Variants in SH2D1B observed in about 807,000 individuals in gnomAD.
The protein encoded by SH2D1B is SH2 domain-containing protein 1B.
A neutral mutation model predicts 16.3 loss-of-function variants in SH2D1B; 11 were observed. The observed-to-expected ratio is 0.67, with a 90% CI of 0.42 to 1.11. The LOEUF (loss-of-function observed/expected upper bound fraction) is 1.11, where lower values mean the gene tolerates loss of function less well. Ranked by LOEUF, SH2D1B falls within the 50% of genes most tolerant of loss-of-function variation. SH2D1B has a pLI of 0.00. For synonymous variants in SH2D1B, 55 were observed against 56.1 expected, an observed-to-expected ratio of 0.98 and a Z score of 0.09; for missense variants, 123 against 153.1, an observed-to-expected ratio of 0.80 and a Z score of 1.04.
intron 1 of SH2D1B, among the ~76,000 whole-genome samples, chr1:162,410,938 G>A (rs1046095077): frequency 1.3e-4 from 19 of 151,268 alleles, no homozygotes; most frequent in Admixed American, 1.3e-3. Context: ...TTACAGGAGT[G>A]AGCCACTGTG....
rs541209318 is a variant in SH2D1B at position 162,411,990 on chromosome 1, A to G, written c.27T>C (p.Arg9=). ...AGGTCTCACAGTCTTGCTTGGTCAG[A>G]CGTCCATGGTAGTAAGGCAGATCCA... MDLPYYHG[R]LTKQDCETLL... Residue 9 remains arginine (R), a synonymous_variant, in exon 1 of 4, where the codon CGT becomes CGC. Transcript: ENST00000367929. 1 of 1,614,124 alleles carries G rather than the reference A, an allele frequency of 6.2e-7. No homozygotes were observed. The highest frequency in any genetic ancestry group is 1.7e-5 in the Admixed American group (1 of 60,018).
rs1026771254 is a variant in SH2D1B at position 162,395,811 on chromosome 1, C to T, written c.*1469G>A. The T allele has an allele frequency of 6.6e-6, 1 of 152,162 alleles. No homozygotes were observed. The highest frequency in any genetic ancestry group is 3.2e-3 in the Middle Eastern group (1 of 316). The allele number at this position is 152,162 out of a possible 1,614,324, so 9.4% of individuals were successfully genotyped here. Reference sequence around the variant, plus strand: ...AGACTTCAGTTGGGAAAATTTATGACTCCATGAAAGGGCAAAAAAGATGAC... The same window carrying T: ...AGACTTCAGTTGGGAAAATTTATGATTCCATGAAAGGGCAAAAAAGATGAC... On this transcript the variant is annotated 3_prime_UTR_variant, in exon 4 of 4. Coordinates refer to ENST00000367929, the MANE Select transcript of SH2D1B (RefSeq NM_053282.5).
chr1:162,398,692 C>T (rs575238884), intron 3 of SH2D1B, among the ~76,000 whole-genome samples: 125 of 152,242 alleles, frequency 8.2e-4, no homozygotes, highest in Admixed American at 1.6e-3. Flanking sequence ...AGCTGTCTGC[C>T]CAGGAACCAC....
intron 1 of SH2D1B, among the ~76,000 whole-genome samples, chr1:162,403,213 G>A (rs969088826): frequency 1.6e-4 from 25 of 152,014 alleles, no homozygotes; most frequent in African/African-American, 5.6e-4. Flanking sequence ...ATTACTGGCC[G>A]GGTGCCGTGG....
chr1:162,410,077 C>A (rs568932668), intron 1 of SH2D1B, among the ~76,000 whole-genome samples: 11 of 152,210 alleles, frequency 7.2e-5, no homozygotes, highest in Non-Finnish European at 1.2e-4. Flanking sequence ...AGCAAAGAAC[C>A]CTACTAAGTC....
chr1:162,402,994 C>T lies in SH2D1B; in HGVS notation c.135-192G>A, dbSNP rs547802165. On this transcript the variant is annotated intron_variant, in intron 1 of 3. Transcript: ENST00000367929. Reference sequence around the variant, plus strand: ...TGCGATCTCAGCTCACTGCAACCTCCGCCTCCCGGGTTCAAGCGATTCTCC... The same window carrying T: ...TGCGATCTCAGCTCACTGCAACCTCTGCCTCCCGGGTTCAAGCGATTCTCC... 4.0e-5 allele frequency among the ~76,000 whole-genome samples: 6 copies of T among 151,856 alleles called. No individual in the cohort carries two copies. In the South Asian group the frequency reaches 1.2e-3, roughly 32 times the overall value.
chr1:162,404,751 C>A (rs1230302910), intron 1 of SH2D1B, among the ~76,000 whole-genome samples: 1 of 152,134 alleles, frequency 6.6e-6, no homozygotes. Flanking sequence ...AATGAGATAC[C>A]ACTACACACT....
chr1:162,401,441 C>T (rs1648516045), intron 2 of SH2D1B, among the ~76,000 whole-genome samples: 1 of 152,118 alleles, frequency 6.6e-6, no homozygotes, highest in Non-Finnish European at 1.5e-5. Context: ...CACCCACACC[C>T]CAATGTTAAC....
intron 3 of SH2D1B, among the ~76,000 whole-genome samples, chr1:162,397,564 C>T (rs1000716869): frequency 3.3e-5 from 5 of 152,188 alleles, no homozygotes; most frequent in African/African-American, 1.2e-4. Context: ...GAAATCTGCA[C>T]CTCCCTTGGA....
At chr1:162,409,640 G>A (rs1343105391) in intron 1 of SH2D1B, among the ~76,000 whole-genome samples, 2 of 152,078 alleles carry the variant, frequency 1.3e-5, no homozygotes, top group Non-Finnish European at 2.9e-5. Flanking sequence ...GTATAATGGC[G>A]CGATCTCGGC....
intron 1 of SH2D1B, among the ~76,000 whole-genome samples, chr1:162,406,808 C>T (rs919177647): frequency 3.9e-5 from 6 of 152,136 alleles, no homozygotes; most frequent in Non-Finnish European, 4.4e-5. Flanking sequence ...TCACCTGCAG[C>T]CTTCCTATGG....
chr1:162,399,275 C>G (rs1477458432), intron 2 of SH2D1B, among the ~76,000 whole-genome samples, 188 bp from the exon 3 acceptor site: 1 of 152,158 alleles, frequency 6.6e-6, no homozygotes, highest in African/African-American at 2.4e-5. Flanking sequence ...CTGACTTGAG[C>G]CACTCTGAGT....
intron 2 of SH2D1B, 138 bp downstream of exon 2, chr1:162,402,601 G>T (rs1364300270): frequency 1.5e-6 from 1 of 654,102 alleles, no homozygotes; most frequent in Admixed American, 2.8e-5. Context: ...AGGTTAACTC[G>T]ATCTGACTCT....
chr1:162,397,272 C>A lies in SH2D1B; in HGVS notation c.*8G>T, dbSNP rs1648400827. On this transcript the variant is annotated 3_prime_UTR_variant, in exon 4 of 4. Coordinates refer to ENST00000367929, the MANE Select transcript of SH2D1B (RefSeq NM_053282.5). ...CTCTTCAACTTGCTTTGTCCGGCAGCCTTATCTTCAAGGCAAGACATCCAC... is the reference window on the plus strand; with the variant it reads ...CTCTTCAACTTGCTTTGTCCGGCAGACTTATCTTCAAGGCAAGACATCCAC... 2 of 1,613,620 alleles carry A rather than the reference C, an allele frequency of 1.2e-6. No individual in the cohort carries two copies. The highest frequency in any genetic ancestry group is 1.7e-5 in the Admixed American group (1 of 59,976).
chr1:162,404,501 T>C (rs1322637875), intron 1 of SH2D1B, among the ~76,000 whole-genome samples: 1 of 152,130 alleles, frequency 6.6e-6, no homozygotes, highest in African/African-American at 2.4e-5. Context: ...AAACATCACA[T>C]TGTACAAAAT....
At chr1:162,409,445 G>A (rs959348701) in intron 1 of SH2D1B, among the ~76,000 whole-genome samples, 4 of 152,076 alleles carry the variant, frequency 2.6e-5, no homozygotes, top group Non-Finnish European at 4.4e-5. Context: ...CCAAAAGCTG[G>A]TTTCCAAACT....
At chr1:162,397,450 T>A in intron 3 of SH2D1B, 135 bp from the exon 4 acceptor site, 1 of 847,316 alleles carries the variant, frequency 1.2e-6, no homozygotes, top group Non-Finnish European at 1.9e-6. Context: ...AAGTTGTATC[T>A]TTAAAGGCTG....
intron 1 of SH2D1B, among the ~76,000 whole-genome samples, chr1:162,405,086 CA>C (rs1389689821): frequency 6.6e-6 from 1 of 152,002 alleles, no homozygotes; most frequent in Non-Finnish European, 1.5e-5. Context: ...TTCAGCAATG[CA>C]AAAAAATGAA....
rs1384239552 is a variant in SH2D1B, at chr1:162,395,488, G to A, written c.*1792C>T. 1 of 152,186 alleles carries A rather than the reference G, an allele frequency of 6.6e-6. No homozygotes were observed. 9.4% of individuals were successfully genotyped at this position (152,186 alleles called of 1,614,324 possible). A position where few individuals can be genotyped will look rare whatever the true frequency, so the allele number is the denominator to read the frequency against. On this transcript the variant is annotated 3_prime_UTR_variant, in exon 4 of 4. Transcript: ENST00000367929. ...CATTCCCTGTAATACTGGGAACAGT[G>A]TAAGAATACTCACTATCATGACTAT...
Sources: allele counts gnomAD v4.1 joint callset (sites outside exome capture counted in the v4.1 genomes callset), GRCh38; gene constraint gnomAD v4.1.1; transcripts MANE v1.5; gene names NCBI Gene and HGNC (gene_info 2026-07-23, HGNC 2026-07-21).